The following OR2L13 variants were observed in gnomAD, a reference collection of about 807,000 sequenced individuals.
OR2L13 encodes olfactory receptor 2L13.
OR2L13 carries 14 observed loss-of-function variants against 15.3 expected under a neutral mutation model. The ratio of observed to expected loss-of-function variants is 0.91; its 90% confidence interval spans 0.60 to 1.43. OR2L13 has a LOEUF of 1.43. Among genes scored for constraint, OR2L13 ranks in the 40% most tolerant of loss-of-function variants. OR2L13 has a pLI of 0.00. For synonymous variants in OR2L13, 152 were observed against 142.9 expected, an observed-to-expected ratio of 1.06 and a Z score of -0.45; for missense variants, 367 against 387.9, an observed-to-expected ratio of 0.95 and a Z score of 0.45.
intron 1 of OR2L13, 109 bp from the exon 2 acceptor site, chr1:248,098,542 C>T (rs1272047403): frequency 6.6e-6 from 1 of 152,154 alleles, no homozygotes; most frequent in Admixed American, 6.5e-5. Context: ...CTGTGGCAGG[C>T]TCTCTTTCAC....
the OR2L13 span, among the ~76,000 whole-genome samples, chr1:248,042,990 T>C: frequency 6.6e-6 from 1 of 152,196 alleles, no homozygotes; most frequent in African/African-American, 2.4e-5. Context: ...ACTAGTAAGG[T>C]CTGAAAATCT....
the OR2L13 span, chr1:247,966,407 G>T: frequency 1.4e-6 from 2 of 1,431,146 alleles, no homozygotes; most frequent in Non-Finnish European, 1.9e-6. Context: ...TGTGTTTTCT[G>T]TATAGAAGTC....
chr1:248,097,319 A>T (rs1572743462), exon 1 of OR2L13: 1 of 152,336 alleles, frequency 6.6e-6, no homozygotes, highest in East Asian at 1.9e-4. Flanking sequence ...CACTCACCTG[A>T]TAGCCACAGG....
At chr1:248,011,893 A>G in the OR2L13 span, among the ~76,000 whole-genome samples, 1 of 152,138 alleles carries the variant, frequency 6.6e-6, no homozygotes, top group Non-Finnish European at 1.5e-5. Flanking sequence ...GCTCTTTTAC[A>G]AAAGACTTGA....
At chr1:248,073,811 C>T in the OR2L13 span, among the ~76,000 whole-genome samples, 2 of 151,676 alleles carry the variant, frequency 1.3e-5, no homozygotes, top group Non-Finnish European at 2.9e-5. Context: ...TTGACTAAAA[C>T]ATTATACACT....
At chr1:248,008,021 A>G in the OR2L13 span, among the ~76,000 whole-genome samples, 2 of 152,176 alleles carry the variant, frequency 1.3e-5, no homozygotes, top group African/African-American at 4.8e-5. Flanking sequence ...TTTGGTTAAC[A>G]TTAGAAGAAA....
the OR2L13 span, among the ~76,000 whole-genome samples, chr1:248,011,520 C>T: frequency 3.9e-5 from 6 of 152,092 alleles, no homozygotes; most frequent in Non-Finnish European, 7.4e-5. Flanking sequence ...GGGAAGTTCT[C>T]CTGGATAATA....
chr1:247,962,935 C>T, the OR2L13 span, among the ~76,000 whole-genome samples: 1 of 151,928 alleles, frequency 6.6e-6, no homozygotes, highest in Non-Finnish European at 1.5e-5. Flanking sequence ...AATTTCAATA[C>T]ACAATAAATT....
chr1:248,085,823 A>G, the OR2L13 span, among the ~76,000 whole-genome samples: 13 of 152,098 alleles, frequency 8.5e-5, no homozygotes, highest in Non-Finnish European at 1.8e-4. Flanking sequence ...CAGGCATTAG[A>G]TTCTCATAAG....
At chr1:248,092,482 A>G (rs964230089), upstream of OR2L13, among the ~76,000 whole-genome samples, 3 of 152,190 alleles carry the variant, frequency 2.0e-5, no homozygotes, top group Non-Finnish European at 4.4e-5. Flanking sequence ...CAGTAAGAAT[A>G]TAACTGAACA....
the OR2L13 span, among the ~76,000 whole-genome samples, chr1:248,056,225 G>A: frequency 6.6e-6 from 1 of 151,828 alleles, no homozygotes; most frequent in African/African-American, 2.4e-5. Context: ...ACAACGTGCA[G>A]GTTAGTTACA....
chr1:248,048,193 T>C, the OR2L13 span, among the ~76,000 whole-genome samples: 3 of 152,168 alleles, frequency 2.0e-5, no homozygotes, highest in Non-Finnish European at 4.4e-5. Flanking sequence ...ATCGTGGACC[T>C]CAATGGCAGG....
chr1:247,977,860 A>C, the OR2L13 span, among the ~76,000 whole-genome samples: 1 of 152,174 alleles, frequency 6.6e-6, no homozygotes, highest in Admixed American at 6.5e-5. Context: ...TGCAGGATGC[A>C]GCATCTTCAT....
chr1:248,041,833 T>C, the OR2L13 span: 1 of 152,144 alleles, frequency 6.6e-6, no homozygotes, highest in Non-Finnish European at 1.5e-5. Flanking sequence ...CCAGTTAGAA[T>C]GGCAATCATT....
At chr1:248,053,426 T>G in the OR2L13 span, among the ~76,000 whole-genome samples, 6 of 152,238 alleles carry the variant, frequency 3.9e-5, no homozygotes, top group African/African-American at 1.4e-4. Flanking sequence ...CACATGCCAG[T>G]ACCTTTATAA....
At chr1:248,012,941 C>G in the OR2L13 span, among the ~76,000 whole-genome samples, 2 of 151,594 alleles carry the variant, frequency 1.3e-5, no homozygotes, top group African/African-American at 2.4e-5. Flanking sequence ...TTAAGGTACT[C>G]TTTTGCATAA....
chr1:247,972,064 A>T, the OR2L13 span, among the ~76,000 whole-genome samples: 19 of 152,342 alleles, frequency 1.2e-4, 1 homozygote, highest in Middle Eastern at 6.8e-3. Context: ...AAGTTGTTTG[A>T]AACCAGTGAG....
chr1:248,067,862 G>C, the OR2L13 span, among the ~76,000 whole-genome samples: 4 of 151,940 alleles, frequency 2.6e-5, no homozygotes, highest in Non-Finnish European at 5.9e-5. Flanking sequence ...CTGGCTCGGA[G>C]GGTCCCACGC....
the OR2L13 span, among the ~76,000 whole-genome samples, chr1:248,072,658 A>G: frequency 6.6e-6 from 1 of 151,996 alleles, no homozygotes; most frequent in African/African-American, 2.4e-5. Flanking sequence ...GCTTCTGCAC[A>G]GCAAAAGAAA....
Sources: gnomAD v4.1 joint callset for allele counts (sites outside exome capture counted in the v4.1 genomes callset) on GRCh38, gnomAD v4.1.1 for gene constraint, MANE v1.5 for transcripts, NCBI Gene and HGNC (gene_info 2026-07-23, HGNC 2026-07-21) for gene names.